The following DIP2B variants were observed in gnomAD, a reference collection of about 807,000 sequenced individuals.
The protein encoded by DIP2B is DIP2 acetate--CoA ligase B (putative).
A neutral mutation model predicts 198.0 loss-of-function variants in DIP2B; 76 were observed. The observed-to-expected ratio is 0.38, with a 90% CI of 0.32 to 0.46. The LOEUF (loss-of-function observed/expected upper bound fraction) is 0.46, where lower values mean the gene tolerates loss of function less well. Ranked by LOEUF, DIP2B falls within the 20% of genes least tolerant of loss-of-function variation. The pLI, the probability that DIP2B is intolerant of heterozygous loss-of-function variation, is 0.99. For missense variants in DIP2B, 1,559 were observed against 1,978.4 expected (o/e 0.79, Z 4.02); for synonymous variants, 701 against 739.1 (o/e 0.95, Z 0.84).
chr12:50,719,143 A>G, intron 25 of DIP2B, 108 bp downstream of exon 25: 2 of 1,228,076 alleles, frequency 1.6e-6, no homozygotes, highest in Middle Eastern at 4.4e-4. Context: ...ATCTCTGAAG[A>G]AGGAGTTAAT....
chr12:50,551,392 C>G (rs1433128694), intron 1 of DIP2B, among the ~76,000 whole-genome samples: 7 of 152,266 alleles, frequency 4.6e-5, no homozygotes, highest in African/African-American at 1.7e-4. Flanking sequence ...CACTGCACTC[C>G]ACCCTGGGCA....
chr12:50,742,482 C>T (rs1592151274), intron 37 of DIP2B, among the ~76,000 whole-genome samples: 2 of 149,700 alleles, frequency 1.3e-5, no homozygotes, highest in South Asian at 4.2e-4. Context: ...ACACAGAATC[C>T]GTTCGGTTTG....
chr12:50,635,882 G>A (rs1252982327), intron 2 of DIP2B, among the ~76,000 whole-genome samples: 3 of 152,016 alleles, frequency 2.0e-5, no homozygotes, highest in African/African-American at 7.2e-5. Context: ...TTTTTTCCGA[G>A]CAACTACTAT....
chr12:50,568,316 A>G (rs540550743), intron 1 of DIP2B, among the ~76,000 whole-genome samples: 4 of 152,224 alleles, frequency 2.6e-5, no homozygotes, highest in Non-Finnish European at 4.4e-5. Context: ...CCTGTTTGGT[A>G]TATCTCCTCA....
At chr12:50,679,768 A>G (rs985293398) in intron 8 of DIP2B, 1 of 152,228 alleles carries the variant, frequency 6.6e-6, no homozygotes, top group Non-Finnish European at 1.5e-5. Flanking sequence ...TGTTTATTTA[A>G]CATCTATGAA....
chr12:50,724,945 T>C (rs920329868), intron 28 of DIP2B, 59 bp downstream of exon 28: 2 of 1,518,554 alleles, frequency 1.3e-6, no homozygotes, highest in African/African-American at 1.4e-5. Flanking sequence ...ACCTGAGATC[T>C]CCTCCATTCT....
intron 1 of DIP2B, among the ~76,000 whole-genome samples, chr12:50,518,301 T>C (rs957881576): frequency 4.0e-5 from 6 of 151,604 alleles, no homozygotes; most frequent in African/African-American, 1.5e-4. Flanking sequence ...CTCAGCTCGC[T>C]GCAAGCTCCG....
intron 29 of DIP2B, among the ~76,000 whole-genome samples, chr12:50,728,314 C>T (rs1345435957): frequency 6.6e-6 from 1 of 151,294 alleles, no homozygotes. Flanking sequence ...GCCATTGCAC[C>T]GCAGCCTGGG....
chr12:50,734,940 G>C (rs373824688), intron 33 of DIP2B, 133 bp from the exon 34 acceptor site: 1 of 1,118,974 alleles, frequency 8.9e-7, no homozygotes, highest in Non-Finnish European at 1.3e-6. Context: ...GTAGTGCTGA[G>C]TTTGAGAAAC....
intron 1 of DIP2B, among the ~76,000 whole-genome samples, chr12:50,595,377 G>T (rs140596672): frequency 2.0e-5 from 3 of 152,072 alleles, no homozygotes; most frequent in Admixed American, 6.6e-5. Flanking sequence ...AATGGCTCCC[G>T]ATCACAGCTT....
chr12:50,672,919 A>G (rs1938879373), intron 5 of DIP2B, among the ~76,000 whole-genome samples: 1 of 152,066 alleles, frequency 6.6e-6, no homozygotes, highest in Admixed American at 6.6e-5. Flanking sequence ...TTACACTATT[A>G]TTTTTATGGT....
chr12:50,558,879 G>A (rs1229505768), intron 1 of DIP2B, among the ~76,000 whole-genome samples: 1 of 152,222 alleles, frequency 6.6e-6, no homozygotes, highest in South Asian at 2.1e-4. Flanking sequence ...GCAAAGAGAA[G>A]GATTCACTGA....
intron 24 of DIP2B, 34 bp from the exon 25 acceptor site, chr12:50,718,921 G>T: frequency 6.2e-7 from 1 of 1,613,772 alleles, no homozygotes; most frequent in South Asian, 1.1e-5. Flanking sequence ...ATAAGTTGCT[G>T]ACCCTGAGTC....
intron 7 of DIP2B, among the ~76,000 whole-genome samples, chr12:50,676,808 A>G (rs1938954273): frequency 1.3e-5 from 2 of 152,260 alleles, no homozygotes; most frequent in Admixed American, 1.3e-4. Context: ...CCTACTATAT[A>G]CATAGTCTGT....
At chr12:50,696,192 G>A (rs775542975) in intron 16 of DIP2B, among the ~76,000 whole-genome samples, 3 of 152,120 alleles carry the variant, frequency 2.0e-5, no homozygotes, top group African/African-American at 7.2e-5. Context: ...TCAGTCACTC[G>A]CCATTTTTCC....
intron 1 of DIP2B, among the ~76,000 whole-genome samples, chr12:50,595,195 C>A (rs376251666): frequency 6.6e-6 from 1 of 152,204 alleles, no homozygotes; most frequent in African/African-American, 2.4e-5. Flanking sequence ...TCTGGTGATG[C>A]GTGTTTGCAA....
At chr12:50,647,406 T>C (rs1938369559) in intron 3 of DIP2B, among the ~76,000 whole-genome samples, 1 of 152,158 alleles carries the variant, frequency 6.6e-6, no homozygotes, top group South Asian at 2.1e-4. Context: ...ATTATTTGGA[T>C]ATTCCAGGCA....
At chr12:50,569,798 CT>C (rs1336099022) in intron 1 of DIP2B, among the ~76,000 whole-genome samples, 1 of 152,026 alleles carries the variant, frequency 6.6e-6, no homozygotes, top group Non-Finnish European at 1.5e-5. Flanking sequence ...ACAGATTTTG[CT>C]TTTGCAATTA....
intron 1 of DIP2B, among the ~76,000 whole-genome samples, chr12:50,539,186 T>C (rs567317855): frequency 3.1e-4 from 47 of 152,164 alleles, no homozygotes; most frequent in African/African-American, 1.1e-3. Flanking sequence ...GGCATGTGTC[T>C]TTTCTCTTTC....
Sources: allele counts gnomAD v4.1 joint callset (sites outside exome capture counted in the v4.1 genomes callset), GRCh38; gene constraint gnomAD v4.1.1; transcripts MANE v1.5; gene names NCBI Gene and HGNC (gene_info 2026-07-23, HGNC 2026-07-21).